TMEM132B: variants seen among roughly 807,000 people sequenced by gnomAD.
TMEM132B encodes transmembrane protein 132B.
In TMEM132B, 18 loss-of-function variants were observed where a neutral mutation model predicts 90.8. That is an observed-to-expected ratio of 0.20 (90% confidence interval 0.14 to 0.29). The LOEUF is 0.29. Among genes scored for constraint, TMEM132B ranks in the 10% least tolerant of loss-of-function variants. The pLI, the probability that TMEM132B is intolerant of heterozygous loss-of-function variation, is 1.00. For synonymous variants in TMEM132B, 504 were observed against 523.3 expected (o/e 0.96, Z 0.50); for missense variants, 1,096 against 1,326.8 (o/e 0.83, Z 2.70).
At chr12:125,341,167 G>A (rs1175515186) in intron 1 of TMEM132B, among the ~76,000 whole-genome samples, 1 of 152,188 alleles carries the variant, frequency 6.6e-6, no homozygotes. Flanking sequence ...CTAATAGTGA[G>A]AACTCTGCCT....
At chr12:125,221,028 C>T (rs1873545452) in intron 1 of TMEM132B, among the ~76,000 whole-genome samples, 1 of 152,260 alleles carries the variant, frequency 6.6e-6, no homozygotes, top group African/African-American at 2.4e-5. Context: ...CAGTTCATGA[C>T]TTTAGCCACA....
intron 4 of TMEM132B, among the ~76,000 whole-genome samples, chr12:125,566,413 TA>T (rs1284513929): frequency 1.3e-5 from 2 of 152,232 alleles, no homozygotes; most frequent in East Asian, 1.9e-4. Context: ...AAGACATAAA[TA>T]GTGCTCACAC....
intron 5 of TMEM132B, among the ~76,000 whole-genome samples, chr12:125,632,095 GA>G (rs1253954652): frequency 6.6e-6 from 1 of 151,804 alleles, no homozygotes; most frequent in African/African-American, 2.4e-5. Context: ...TTGTGAAGGT[GA>G]TTTTTTTGGT....
At chr12:125,480,865 A>G (rs1882019198) in intron 3 of TMEM132B, among the ~76,000 whole-genome samples, 1 of 152,236 alleles carries the variant, frequency 6.6e-6, no homozygotes, top group Non-Finnish European at 1.5e-5. Flanking sequence ...CCTCAATAAA[A>G]TACTGGCAAA....
intron 1 of TMEM132B, chr12:125,301,409 ACCAGCCCTGTGC>A (rs1329554687): frequency 6.6e-6 from 1 of 152,264 alleles, no homozygotes; most frequent in African/African-American, 2.4e-5. Context: ...TGGCCCGTGC[ACCAGCCCTGTGC>A]CCAGCTCTGA....
At chr12:125,507,196 T>C (rs12318786) in intron 3 of TMEM132B, among the ~76,000 whole-genome samples, 10,596 of 152,208 alleles carry the variant, frequency 0.07, 395 homozygotes, top group South Asian at 0.16. Flanking sequence ...AGGGGTGTCA[T>C]GTTGAAGTGT....
intron 1 of TMEM132B, among the ~76,000 whole-genome samples, chr12:125,280,630 A>T (rs1875135031): frequency 6.6e-6 from 1 of 152,206 alleles, no homozygotes; most frequent in Non-Finnish European, 1.5e-5. Context: ...CTGGGAGCAG[A>T]TGCTGCTGCT....
chr12:125,300,174 C>T (rs1414461529), intron 1 of TMEM132B, among the ~76,000 whole-genome samples: 1 of 152,188 alleles, frequency 6.6e-6, no homozygotes, highest in Non-Finnish European at 1.5e-5. Flanking sequence ...AGCCACGGCC[C>T]TTCCTCTTAG....
intron 1 of TMEM132B, among the ~76,000 whole-genome samples, chr12:125,237,510 G>A (rs574241768): frequency 5.3e-5 from 8 of 152,264 alleles, no homozygotes; most frequent in East Asian, 3.9e-4. Flanking sequence ...GTGCAGTGGC[G>A]TGATCTCTGC....
chr12:125,622,467 A>G, intron 5 of TMEM132B: 4 of 985,426 alleles, frequency 4.1e-6, no homozygotes, highest in Non-Finnish European at 4.8e-6. Context: ...CAGGTTTCCA[A>G]CCAACCTTTC....
At chr12:125,521,882 C>T (rs918972742) in intron 4 of TMEM132B, among the ~76,000 whole-genome samples, 2 of 152,176 alleles carry the variant, frequency 1.3e-5, no homozygotes, top group African/African-American at 2.4e-5. Context: ...CTTCAGGGCT[C>T]AACACTGCTA....
intron 4 of TMEM132B, among the ~76,000 whole-genome samples, chr12:125,555,065 C>G (rs188592962): frequency 6.6e-6 from 1 of 152,292 alleles, no homozygotes; most frequent in South Asian, 2.1e-4. Flanking sequence ...GGTCGCTCAT[C>G]ATGATGTGCA....
At chr12:125,411,487 C>G (rs1429512300) in intron 2 of TMEM132B, among the ~76,000 whole-genome samples, 1 of 151,910 alleles carries the variant, frequency 6.6e-6, no homozygotes, top group East Asian at 1.9e-4. Context: ...ACGTTCAGCA[C>G]ATGTACCCCA....
intron 3 of TMEM132B, among the ~76,000 whole-genome samples, chr12:125,515,968 C>T (rs908950767): frequency 7.7e-5 from 11 of 143,776 alleles, no homozygotes; most frequent in East Asian, 2.5e-4. Context: ...TCTCTTGTGC[C>T]GACACACACA....
chr12:125,233,065 G>T (rs1446962524), intron 1 of TMEM132B, among the ~76,000 whole-genome samples: 1 of 152,144 alleles, frequency 6.6e-6, no homozygotes, highest in Non-Finnish European at 1.5e-5. Flanking sequence ...CTGGCTTGGG[G>T]TGTTTGTTTC....
In TMEM132B at chr12:125,305,342, C is replaced by T. The variant is rs184729409; in HGVS notation, c.68-44110C>T. ...TTTGCTGTCATGAGGAGGCATCAGC[C>T]GGAGCTCGTAACTAAAGTTCTGATG... On this transcript the variant is annotated intron_variant, in intron 1 of 8. Coordinates refer to ENST00000682704, the MANE Select transcript of TMEM132B (RefSeq NM_001366854.1). Among the ~76,000 whole-genome samples, 145 of 150,928 alleles carry T rather than the reference C, an allele frequency of 9.6e-4. 1 individual carries two copies. Among genetic ancestry groups the T allele is most frequent in the Non-Finnish European group, 1.3e-3 (85 of 67,798 alleles).
intron 5 of TMEM132B, among the ~76,000 whole-genome samples, chr12:125,589,481 C>CAAA (rs71095204): frequency 4.1e-5 from 3 of 73,148 alleles, no homozygotes; most frequent in African/African-American, 5.6e-5. Flanking sequence ...GACTCCGTCT[C>CAAA]AAAAAAAAAA....
At chr12:125,255,039 C>G (rs1312604550) in intron 1 of TMEM132B, among the ~76,000 whole-genome samples, 1 of 152,152 alleles carries the variant, frequency 6.6e-6, no homozygotes, top group Non-Finnish European at 1.5e-5. Context: ...ACAGGAAGCT[C>G]TCCTCCTCTT....
chr12:125,634,091 A>C (rs569752147), intron 5 of TMEM132B, among the ~76,000 whole-genome samples: 2 of 152,220 alleles, frequency 1.3e-5, no homozygotes, highest in African/African-American at 4.8e-5. Flanking sequence ...AAACCTTGGA[A>C]GTCTACCTGG....
Sources: gnomAD v4.1 joint callset for allele counts (sites outside exome capture counted in the v4.1 genomes callset) on GRCh38, gnomAD v4.1.1 for gene constraint, MANE v1.5 for transcripts, NCBI Gene and HGNC (gene_info 2026-07-23, HGNC 2026-07-21) for gene names.